Variants in PCDH9 observed in about 807,000 individuals in gnomAD.
PCDH9 encodes the protein protocadherin-9.
Under a neutral mutation model 70.6 loss-of-function variants are expected in PCDH9, and 24 were observed. The ratio of observed to expected loss-of-function variants is 0.34; its 90% CI spans 0.25 to 0.48. The LOEUF (loss-of-function observed/expected upper bound fraction) is 0.48, where lower values mean the gene tolerates loss of function less well. Ranked by LOEUF, PCDH9 falls within the 20% of genes least tolerant of loss-of-function variation. The probability of loss-of-function intolerance (pLI) is 0.99; values close to 1 mark genes in which losing one functional copy is unlikely to be tolerated. For synonymous variants in PCDH9, 562 were observed against 558.5 expected (o/e 1.01, Z -0.09); for missense variants, 1,281 against 1,503.6 (o/e 0.85, Z 2.45).
intron 4 of PCDH9, among the ~76,000 whole-genome samples, chr13:66,390,523 G>T (rs1956999556): frequency 6.6e-6 from 1 of 152,058 alleles, no homozygotes; most frequent in Non-Finnish European, 1.5e-5. Flanking sequence ...ATCACCTAAG[G>T]TCAGGAGTTC....
chr13:66,398,375 T>G (rs1957138511), intron 4 of PCDH9, among the ~76,000 whole-genome samples: 1 of 152,108 alleles, frequency 6.6e-6, no homozygotes, highest in African/African-American at 2.4e-5. Context: ...TATAATATGC[T>G]GTTGGGTTTA....
chr13:67,179,063 G>T (rs1472544375), intron 2 of PCDH9, among the ~76,000 whole-genome samples: 1 of 152,100 alleles, frequency 6.6e-6, no homozygotes. Flanking sequence ...AAACACAGTT[G>T]TGGAACATAA....
intron 4 of PCDH9, among the ~76,000 whole-genome samples, chr13:66,346,891 A>G (rs1013153612): frequency 1.3e-5 from 2 of 152,228 alleles, no homozygotes; most frequent in East Asian, 3.8e-4. Context: ...AATTTTAAAT[A>G]AAGCCACAAG....
chr13:66,547,920 C>A (rs1376676499), intron 4 of PCDH9, among the ~76,000 whole-genome samples: 3 of 146,080 alleles, frequency 2.1e-5, no homozygotes, highest in Non-Finnish European at 3.0e-5. Flanking sequence ...TATATTTAAT[C>A]ATATTATATA....
rs1566162301 is a variant in PCDH9 at position 66,740,689 on chromosome 13, A to ATC, written c.3139-109279_3139-109278insGA. On this transcript the variant is annotated intron_variant, in intron 3 of 4. Transcript: ENST00000377865. The stretch of plus-strand genomic sequence containing the variant: ...CACTGATCCCACAGAAATACAAACT[A>ATC]CCATCAGAGAATACTACAAACAACT... 2.4e-4 allele frequency among the ~76,000 whole-genome samples: 37 copies of ATC among 151,870 alleles called. 1 individual carries two copies. The highest frequency in any genetic ancestry group is 2.4e-3 in the Admixed American group (37 of 15,246).
chr13:66,957,959 TTAATA>T (rs1455846553), intron 2 of PCDH9, among the ~76,000 whole-genome samples: 2 of 152,186 alleles, frequency 1.3e-5, no homozygotes, highest in African/African-American at 4.8e-5. Context: ...TTATGATGAA[TTAATA>T]TAATAAGATT....
intron 3 of PCDH9, among the ~76,000 whole-genome samples, chr13:66,716,776 A>T (rs2078870732): frequency 6.6e-6 from 1 of 152,124 alleles, no homozygotes; most frequent in Admixed American, 6.6e-5. Flanking sequence ...AATCAGCTGT[A>T]CTCAGTGGTA....
intron 3 of PCDH9, among the ~76,000 whole-genome samples, chr13:66,632,673 T>C (rs2077586738): frequency 6.6e-6 from 1 of 152,204 alleles, no homozygotes; most frequent in African/African-American, 2.4e-5. Context: ...TTAGCTGCTA[T>C]GATCTCTGAG....
chr13:66,424,160 C>T (rs1957624022), intron 4 of PCDH9, among the ~76,000 whole-genome samples: 2 of 152,224 alleles, frequency 1.3e-5, no homozygotes, highest in East Asian at 1.9e-4. Context: ...CAAACCACTG[C>T]TCAAGGAAAT....
At chr13:66,591,062 T>G (rs2077033899) in intron 4 of PCDH9, among the ~76,000 whole-genome samples, 1 of 151,804 alleles carries the variant, frequency 6.6e-6, no homozygotes. Context: ...TATTATTTAA[T>G]GTTTCAAGTT....
intron 3 of PCDH9, among the ~76,000 whole-genome samples, chr13:66,754,111 T>C (rs1316684980): frequency 6.6e-6 from 1 of 152,038 alleles, no homozygotes; most frequent in Non-Finnish European, 1.5e-5. Flanking sequence ...TTCTAAGAGG[T>C]GTGTATCAGG....
intron 3 of PCDH9, among the ~76,000 whole-genome samples, chr13:66,871,447 C>A (rs2081684217): frequency 6.6e-6 from 1 of 151,230 alleles, no homozygotes; most frequent in Non-Finnish European, 1.5e-5. Flanking sequence ...AATCAAAGTC[C>A]TGTTCACACA....
chr13:66,654,380 G>A (rs1012657015), intron 3 of PCDH9, among the ~76,000 whole-genome samples: 4 of 151,904 alleles, frequency 2.6e-5, no homozygotes, highest in Non-Finnish European at 5.9e-5. Context: ...TAATTAGAAA[G>A]GATGAATATA....
At chr13:66,407,114 C>T (rs1181075561) in intron 4 of PCDH9, among the ~76,000 whole-genome samples, 2 of 152,212 alleles carry the variant, frequency 1.3e-5, no homozygotes, top group African/African-American at 4.8e-5. Context: ...AACCTCTCCA[C>T]TGGAGCAATG....
At chr13:66,316,604 G>A (rs1197159292) in intron 4 of PCDH9, among the ~76,000 whole-genome samples, 2 of 151,970 alleles carry the variant, frequency 1.3e-5, no homozygotes, top group Non-Finnish European at 2.9e-5. Context: ...TCTTCTCCTG[G>A]GACTTAGATT....
chr13:66,862,035 C>A (rs1024083613), intron 3 of PCDH9, among the ~76,000 whole-genome samples: 1 of 152,154 alleles, frequency 6.6e-6, no homozygotes, highest in African/African-American at 2.4e-5. Context: ...TTAACAGTCT[C>A]ATTTGTTGTT....
At chr13:66,857,206 T>C (rs150779688) in intron 3 of PCDH9, among the ~76,000 whole-genome samples, 2 of 152,258 alleles carry the variant, frequency 1.3e-5, no homozygotes, top group African/African-American at 4.8e-5. Context: ...CAATATTTGA[T>C]AGCAAAGTCT....
At chr13:66,368,835 AAG>A (rs1319632603) in intron 4 of PCDH9, among the ~76,000 whole-genome samples, 1 of 152,048 alleles carries the variant, frequency 6.6e-6, no homozygotes, top group Admixed American at 6.6e-5. Flanking sequence ...GCAGCAGGCA[AAG>A]AGAGAGAGCT....
chr13:66,484,632 T>C (rs542526424), intron 4 of PCDH9, among the ~76,000 whole-genome samples: 13 of 152,314 alleles, frequency 8.5e-5, no homozygotes, highest in African/African-American at 3.1e-4. Flanking sequence ...CACAGAGCCC[T>C]ATATGAGATG....
Sources: gnomAD v4.1 joint callset for allele counts (sites outside exome capture counted in the v4.1 genomes callset) on GRCh38, gnomAD v4.1.1 for gene constraint, MANE v1.5 for transcripts, NCBI Gene and HGNC (gene_info 2026-07-23, HGNC 2026-07-21) for gene names.